Variants in MTUS2 observed in about 807,000 individuals in gnomAD.
MTUS2 encodes microtubule associated scaffold protein 2.
Under a neutral mutation model 114.1 loss-of-function variants are expected in MTUS2, and 40 were observed. The observed-to-expected ratio is 0.35, with a 90% CI of 0.27 to 0.46. The LOEUF (loss-of-function observed/expected upper bound fraction) is 0.46, where lower values mean the gene tolerates loss of function less well. MTUS2 is among the 20% of genes least tolerant of loss of function. MTUS2 has a pLI of 1.00. For synonymous variants in MTUS2, 688 were observed against 672.0 expected (o/e 1.02, Z -0.37); for missense variants, 1,679 against 1,705.4 (o/e 0.98, Z 0.27).
intron 9 of MTUS2, among the ~76,000 whole-genome samples, chr13:29,450,942 A>C (rs1407227347): frequency 6.6e-6 from 1 of 152,324 alleles, no homozygotes; most frequent in East Asian, 1.9e-4. Context: ...AAAACACATG[A>C]AGCAAAAATT....
intron 9 of MTUS2, among the ~76,000 whole-genome samples, chr13:29,453,413 G>A (rs1878878830): frequency 6.6e-6 from 1 of 152,178 alleles, no homozygotes; most frequent in Non-Finnish European, 1.5e-5. Context: ...GAACACAGAT[G>A]TACCCTTTGC....
At chr13:29,427,374 C>A (rs575587758) in intron 8 of MTUS2, among the ~76,000 whole-genome samples, 1 of 152,280 alleles carries the variant, frequency 6.6e-6, no homozygotes, top group East Asian at 1.9e-4. Flanking sequence ...CATTGAAAAT[C>A]TAAAATATTC....
intron 4 of MTUS2, among the ~76,000 whole-genome samples, chr13:29,051,829 C>A (rs1328544901): frequency 1.3e-5 from 2 of 152,210 alleles, no homozygotes; most frequent in Non-Finnish European, 2.9e-5. Flanking sequence ...GAAGTTGACA[C>A]CCAAGTGTAG....
intron 9 of MTUS2, among the ~76,000 whole-genome samples, chr13:29,466,876 C>CAAAAAAAAAAAAAAAAAAAAAAAAAA (rs11296600): frequency 1.1e-5 from 1 of 87,626 alleles, no homozygotes; most frequent in Non-Finnish European, 2.3e-5. Context: ...GACCTCATCT[C>CAAAAAAAAAAAAAAAAAAAAAAAAAA]AAAAAAAAAA....
chr13:28,927,946 C>A (rs1452187725), intron 2 of MTUS2, among the ~76,000 whole-genome samples: 1 of 151,994 alleles, frequency 6.6e-6, no homozygotes, highest in Non-Finnish European at 1.5e-5. Context: ...GATAGAGAAC[C>A]CAGAAATAAA....
rs530491227 is a variant in MTUS2, at chr13:29,175,508, CAAAG to C, written c.2644+74543_2644+74546del. Among the ~76,000 whole-genome samples, 212 of 152,320 alleles carry C rather than the reference CAAAG, an allele frequency of 1.4e-3. 1 individual carries two copies. The highest frequency in any genetic ancestry group is 4.9e-3 in the African/African-American group (205 of 41,576). ...GCTAAAAATTGCTTTAGGATGGTAA[CAAAG>C]AAAGCAGCCTGTGTAGATATCTGTC... On this transcript the variant is annotated intron_variant, in intron 5 of 15. Transcript: ENST00000612955.
intron 7 of MTUS2, among the ~76,000 whole-genome samples, chr13:29,350,576 G>A (rs146681858): frequency 4.0e-4 from 61 of 151,962 alleles, no homozygotes; most frequent in African/African-American, 1.2e-3. Flanking sequence ...TTCTTAATAC[G>A]TAATATAAGA....
At chr13:29,369,559 A>G (rs1871036772) in intron 8 of MTUS2, among the ~76,000 whole-genome samples, 1 of 144,568 alleles carries the variant, frequency 6.9e-6, no homozygotes, top group Admixed American at 6.8e-5. Flanking sequence ...TAAAACAGCA[A>G]GAATAAGATT....
intron 5 of MTUS2, among the ~76,000 whole-genome samples, chr13:29,175,388 C>A (rs531242244): frequency 1.6e-4 from 25 of 152,306 alleles, no homozygotes; most frequent in Non-Finnish European, 2.8e-4. Context: ...ACAGTCATTT[C>A]CATCTGAAGC....
rs141720699 is a variant in MTUS2, at chr13:29,050,824, G to A, written c.2446+16699G>A. Among the ~76,000 whole-genome samples, 220 of 152,286 alleles carry A rather than the reference G, an allele frequency of 1.4e-3. 1 individual carries two copies. The highest frequency in any genetic ancestry group is 2.4e-3 in the Non-Finnish European group (166 of 68,034). On this transcript the variant is annotated intron_variant, in intron 4 of 15. Transcript: ENST00000612955. ...GTCTAGCTGTTTGCACAAGTAGTACGTTCCAGGCAGAAGAAACAACACACA... is the reference window on the plus strand; with the variant it reads ...GTCTAGCTGTTTGCACAAGTAGTACATTCCAGGCAGAAGAAACAACACACA...
At chr13:29,464,609 G>A (rs1308067517) in intron 9 of MTUS2, among the ~76,000 whole-genome samples, 2 of 152,174 alleles carry the variant, frequency 1.3e-5, no homozygotes, top group Admixed American at 6.5e-5. Flanking sequence ...TTCCAAGGGT[G>A]GTCCCTAGGG....
chr13:29,392,803 G>C lies in MTUS2; in HGVS notation c.3117+33330G>C, dbSNP rs573668140. On this transcript the variant is annotated intron_variant, in intron 8 of 15. Transcript: ENST00000612955. ...AATAAAAAAGTTCTGGAGATGGATG[G>C]TGGTGATATCACACAGCAATGTGGA... Among the ~76,000 whole-genome samples, 672 of 152,268 alleles carry C rather than the reference G, an allele frequency of 4.4e-3. 4 individuals are homozygous for C. The highest frequency in any genetic ancestry group is 0.016 in the African/African-American group (657 of 41,550).
intron 8 of MTUS2, among the ~76,000 whole-genome samples, chr13:29,365,093 A>G (rs990688200): frequency 2.0e-5 from 3 of 152,196 alleles, no homozygotes; most frequent in Non-Finnish European, 4.4e-5. Context: ...AAGTGCCCCC[A>G]CAGTGCTTTG....
chr13:29,048,805 G>A (rs999805731), intron 4 of MTUS2, among the ~76,000 whole-genome samples: 1 of 152,148 alleles, frequency 6.6e-6, no homozygotes, highest in African/African-American at 2.4e-5. Context: ...GGGTCTTGCT[G>A]TGTTGCTCAG....
intron 4 of MTUS2, among the ~76,000 whole-genome samples, chr13:29,091,100 G>A (rs1287699076): frequency 6.6e-6 from 1 of 151,926 alleles, no homozygotes; most frequent in African/African-American, 2.4e-5. Context: ...CAGCCCCAGG[G>A]TCTGTATCCT....
chr13:29,355,986 A>T (rs1253737625), intron 7 of MTUS2, among the ~76,000 whole-genome samples: 2 of 152,112 alleles, frequency 1.3e-5, no homozygotes, highest in African/African-American at 4.8e-5. Flanking sequence ...ATTGTAGGGG[A>T]CCAGAGTGTT....
intron 15 of MTUS2, among the ~76,000 whole-genome samples, chr13:29,502,577 G>A (rs531449034): frequency 1.9e-3 from 291 of 152,384 alleles, no homozygotes; most frequent in African/African-American, 6.8e-3. Flanking sequence ...CTTCCTGGCA[G>A]TCTCAGGAAG....
intron 5 of MTUS2, among the ~76,000 whole-genome samples, chr13:29,143,131 G>T (rs1372125780): frequency 6.6e-6 from 1 of 152,162 alleles, no homozygotes; most frequent in African/African-American, 2.4e-5. Flanking sequence ...GCTTAGCAAG[G>T]CATTCTCTAA....
chr13:29,070,620 G>A (rs913962198), intron 4 of MTUS2, among the ~76,000 whole-genome samples: 3 of 151,934 alleles, frequency 2.0e-5, no homozygotes, highest in African/African-American at 4.8e-5. Flanking sequence ...GTATATGCTC[G>A]TGAGAATGTG....
Sources: allele counts gnomAD v4.1 joint callset (sites outside exome capture counted in the v4.1 genomes callset), GRCh38; gene constraint gnomAD v4.1.1; transcripts MANE v1.5; gene names NCBI Gene and HGNC (gene_info 2026-07-23, HGNC 2026-07-21).